Variants in LZTFL1 observed in about 807,000 individuals in gnomAD.
LZTFL1 encodes the protein leucine zipper transcription factor like 1, also known as leucine zipper transcription factor-like protein 1.
LZTFL1 carries 25 observed loss-of-function variants against 45.9 expected under a neutral mutation model. That is an observed-to-expected ratio of 0.54 (90% CI 0.40 to 0.76). The LOEUF (loss-of-function observed/expected upper bound fraction) is 0.76. Ranked by LOEUF, LZTFL1 falls within the 30% of genes least tolerant of loss-of-function variation. LZTFL1 has a pLI of 0.00. For missense variants in LZTFL1, 277 were observed against 331.1 expected, an observed-to-expected ratio of 0.84 and a Z score of 1.27; for synonymous variants, 93 against 117.4, an observed-to-expected ratio of 0.79 and a Z score of 1.35.
Position 45,905,573 on chromosome 3 carries a change from C to T in LZTFL1, c.-215+7547G>A, listed in dbSNP as rs150911034. On this transcript the variant is annotated intron_variant, in intron 2 of 4. Transcript: ENST00000472635. Reference sequence around the variant, plus strand: ...AGAAAGAACTTGTAGGGAGTATGGTCGGCACAGGCCCTCTGGTTGCCAGTT... The same window carrying T: ...AGAAAGAACTTGTAGGGAGTATGGTTGGCACAGGCCCTCTGGTTGCCAGTT... Among the ~76,000 whole-genome samples, 776 of 152,326 alleles carry T rather than the reference C, an allele frequency of 5.1e-3. 7 individuals are homozygous for T. The highest frequency in any genetic ancestry group is 9.7e-3 in the Non-Finnish European group (662 of 68,028).
At position 45,900,420 on chromosome 3, in the gene LZTFL1, A is replaced by G. The variant is rs903718885; in HGVS notation, c.-215+12700T>C. Among the ~76,000 whole-genome samples the G allele has an allele frequency of 4.6e-5, 7 of 152,198 alleles. No individual in the cohort carries two copies. Among genetic ancestry groups the G allele is most frequent in the African/African-American group, 7.2e-5 (3 of 41,452 alleles). On this transcript the variant is annotated intron_variant, in intron 2 of 4. Transcript: ENST00000472635. The surrounding 1 kb of genome is among the most constrained non-coding windows in gnomAD (Gnocchi z 4.7). ...ATAGGAGAAGTACGATCACAGTCAT[A>G]TCACAGTTTGATAAAACTGCCCATC...
At position 45,892,759 on chromosome 3, in the gene LZTFL1, C is replaced by A. The variant is rs754649991; in HGVS notation, c.-215+20361G>T. On this transcript the variant is annotated intron_variant, in intron 2 of 4. Coordinates refer to the LZTFL1 transcript ENST00000472635. ...CAAAAACAAACCAAAACAAAAAAAA[C>A]CCACGTGGGTCCGTAGTGATCTCTC... 1.2e-4 allele frequency among the ~76,000 whole-genome samples: 18 copies of A among 152,132 alleles called. No homozygotes were observed. In the Middle Eastern group the frequency reaches 0.014, roughly 115 times the overall value.
At chr3:45,849,722 T>C (rs1701279944) in intron 4 of LZTFL1, among the ~76,000 whole-genome samples, 1 of 152,202 alleles carries the variant, frequency 6.6e-6, no homozygotes, top group Admixed American at 6.5e-5. Context: ...AAAAAGACTG[T>C]GGAGAATAAC....
Position 45,825,353 on chromosome 3 carries a change from G to A in LZTFL1, c.*961C>T, listed in dbSNP as rs1182749486. 1.3e-5 allele frequency: 2 copies of A among 152,756 alleles called. No individual in the cohort carries two copies. Among genetic ancestry groups the A allele is most frequent in the Admixed American group, 1.3e-4 (2 of 15,294 alleles). 9.5% of individuals were successfully genotyped at this position (152,756 alleles called of 1,614,324 possible). A position where few individuals can be genotyped will look rare whatever the true frequency, so the allele number is the denominator to read the frequency against. ...TACATAACTGTGGATATGATGCCCA[G>A]TTTCTAATGATTTGTCCAAAATCGT... On this transcript the variant is annotated 3_prime_UTR_variant, in exon 10 of 10. Transcript: ENST00000296135.
chr3:45,878,903 A>G (rs932648643), intron 2 of LZTFL1, among the ~76,000 whole-genome samples: 11 of 152,386 alleles, frequency 7.2e-5, no homozygotes, highest in Non-Finnish European at 7.3e-5. Flanking sequence ...GAAGATATGC[A>G]GATGGGAAAT....
At position 45,901,989 on chromosome 3, in the gene LZTFL1, G is replaced by GA; in HGVS notation, c.-215+11130dup. On this transcript the variant is annotated intron_variant, in intron 2 of 4. Coordinates refer to the LZTFL1 transcript ENST00000472635. The surrounding 1 kb of genome is among the most constrained non-coding windows in gnomAD (Gnocchi z 4.3). Reference sequence around the variant, plus strand: ...TGATGGGACCAGAGAGAGTGAAAGAGAAAAGAAAACTCAGAAAGGGATGAA... The same window carrying GA: ...TGATGGGACCAGAGAGAGTGAAAGAGAAAAAGAAAACTCAGAAAGGGATGAA... 1 of 1,122,048 alleles carries GA rather than the reference G, an allele frequency of 8.9e-7. No individual in the cohort carries two copies. Among genetic ancestry groups the GA allele is most frequent in the Non-Finnish European group, 1.3e-6 (1 of 790,110 alleles). 69.5% of individuals were successfully genotyped at this position (1,122,048 alleles called of 1,614,324 possible). A position where few individuals can be genotyped will look rare whatever the true frequency, so the allele number is the denominator to read the frequency against.
chr3:45,844,134 A>T (rs1701180539), upstream of LZTFL1, among the ~76,000 whole-genome samples: 1 of 152,234 alleles, frequency 6.6e-6, no homozygotes, highest in African/African-American at 2.4e-5. Context: ...GTTCCCAGTC[A>T]TCATACTAAG....
chr3:45,855,252 T>C (rs1458457493), intron 3 of LZTFL1, among the ~76,000 whole-genome samples: 1 of 152,162 alleles, frequency 6.6e-6, no homozygotes, highest in Non-Finnish European at 1.5e-5. Flanking sequence ...GCAAGGCTGG[T>C]TCAACATATG....
chr3:45,831,753 T>G (rs1700827299), intron 5 of LZTFL1, among the ~76,000 whole-genome samples: 1 of 152,166 alleles, frequency 6.6e-6, no homozygotes, highest in Admixed American at 6.6e-5. Context: ...CTCTTTCCTC[T>G]ACAATTTAAC....
At chr3:45,902,294 G>A (rs202166025) in intron 2 of LZTFL1, 1 of 183,200 alleles carries the variant, frequency 5.5e-6, no homozygotes, top group African/African-American at 2.4e-5. Context: ...AGAAGCACTG[G>A]CTGCTGCTAC....
chr3:45,852,981 C>G (rs2125703194), intron 4 of LZTFL1, among the ~76,000 whole-genome samples: 1 of 152,330 alleles, frequency 6.6e-6, no homozygotes, highest in Middle Eastern at 3.4e-3. Flanking sequence ...AACACTGTTA[C>G]CAACATTTAG....
chr3:45,861,211 G>GA (rs5848773), intron 2 of LZTFL1, among the ~76,000 whole-genome samples: 305 of 127,506 alleles, frequency 2.4e-3, no homozygotes, highest in African/African-American at 5.2e-3. Context: ...GAAGCAAAAC[G>GA]AAAAAAAAAA....
At chr3:45,840,492 A>G (rs1397386018) in intron 1 of LZTFL1, among the ~76,000 whole-genome samples, 3 of 152,238 alleles carry the variant, frequency 2.0e-5, no homozygotes, top group African/African-American at 4.8e-5. Flanking sequence ...CCCCAATGAC[A>G]TTAGTTTTAC....
intron 2 of LZTFL1, among the ~76,000 whole-genome samples, chr3:45,875,470 G>A (rs1412193004): frequency 6.8e-6 from 1 of 146,980 alleles, no homozygotes; most frequent in Non-Finnish European, 1.5e-5. Flanking sequence ...ATATGACCTT[G>A]GACAAATCCC....
At chr3:45,869,296 C>T (rs935588899) in intron 2 of LZTFL1, among the ~76,000 whole-genome samples, 1 of 152,158 alleles carries the variant, frequency 6.6e-6, no homozygotes, top group South Asian at 2.1e-4. Context: ...TATGGGAAAC[C>T]CTTGGGATGC....
chr3:45,851,225 ATT>A (rs59845792), intron 4 of LZTFL1, among the ~76,000 whole-genome samples: 29,077 of 134,652 alleles, frequency 0.22, 3,168 homozygotes, highest in African/African-American at 0.32. Flanking sequence ...TTTAGCTGTG[ATT>A]TTTTTTTTTT....
intron 5 of LZTFL1, among the ~76,000 whole-genome samples, chr3:45,831,490 GCA>G (rs1173183533): frequency 1.3e-5 from 2 of 152,152 alleles, no homozygotes; most frequent in African/African-American, 4.8e-5. Context: ...AGCCTACACT[GCA>G]CACTGTTGCC....
At chr3:45,863,090 T>C (rs985144508) in intron 2 of LZTFL1, among the ~76,000 whole-genome samples, 1 of 152,232 alleles carries the variant, frequency 6.6e-6, no homozygotes, top group Non-Finnish European at 1.5e-5. Flanking sequence ...GAGTCCATAA[T>C]GATACTCAAA....
chr3:45,830,035 A>T (rs1053302745), intron 7 of LZTFL1, among the ~76,000 whole-genome samples: 2 of 152,346 alleles, frequency 1.3e-5, no homozygotes, highest in African/African-American at 4.8e-5. Flanking sequence ...AAATGAAACC[A>T]GACTGGCCAT....
Sources: allele counts gnomAD v4.1 joint callset (sites outside exome capture counted in the v4.1 genomes callset), GRCh38; gene constraint gnomAD v4.1.1; non-coding constraint Gnocchi (gnomAD v3.1); transcripts MANE v1.5; gene names NCBI Gene and HGNC (gene_info 2026-07-23, HGNC 2026-07-21).